Variants in CCDC171 observed in about 807,000 individuals in gnomAD.
CCDC171 encodes the protein coiled-coil domain-containing protein 171.
In CCDC171, 177 loss-of-function variants were observed where a neutral mutation model predicts 168.2. That is an observed-to-expected ratio of 1.05 (90% CI 0.93 to 1.19). The LOEUF is 1.19. Among genes scored for constraint, CCDC171 ranks in the 50% most tolerant of loss-of-function variants. CCDC171 has a pLI of 0.00. For missense variants in CCDC171, 1,991 were observed against 1,539.0 expected (o/e 1.29, Z -4.91); for synonymous variants, 687 against 540.8 (o/e 1.27, Z -3.75).
At chr9:15,610,837 G>A (rs143161515) in intron 6 of CCDC171, among the ~76,000 whole-genome samples, 1 of 152,160 alleles carries the variant, frequency 6.6e-6, no homozygotes, top group African/African-American at 2.4e-5. Flanking sequence ...GGGATTACAG[G>A]TGTGAACCAC....
In CCDC171 at chr9:15,779,158, TA is replaced by T; in HGVS notation, c.3081+9del. The T allele has an allele frequency of 6.8e-7, 1 of 1,471,984 alleles. No homozygotes were observed. Among genetic ancestry groups the T allele is most frequent in the South Asian group, 1.5e-5 (1 of 67,260 alleles). 91.2% of individuals were successfully genotyped at this position (1,471,984 alleles called of 1,614,324 possible). A position where few individuals can be genotyped will look rare whatever the true frequency, so the allele number is the denominator to read the frequency against. On this transcript the variant is annotated intron_variant, in intron 20 of 25. Transcript: ENST00000380701. Reference sequence around the variant, plus strand: ...AATGAATTTAAGCAGTCTGTAAGTATATATCATTTAGGAAACTGTTGCTTTG... The same window carrying T: ...AATGAATTTAAGCAGTCTGTAAGTATTATCATTTAGGAAACTGTTGCTTTG...
At chr9:15,902,275 T>C (rs201753610) in intron 24 of CCDC171, among the ~76,000 whole-genome samples, 3,579 of 99,970 alleles carry the variant, frequency 0.036, 81 homozygotes, top group East Asian at 0.14. Flanking sequence ...TATATATATA[T>C]ATATATACAC....
intron 21 of CCDC171, among the ~76,000 whole-genome samples, chr9:15,843,058 A>G (rs992072239): frequency 3.9e-5 from 6 of 151,970 alleles, no homozygotes; most frequent in Non-Finnish European, 8.8e-5. Context: ...TTAATAGTAA[A>G]TAGCTTTTCA....
At chr9:15,725,717 T>TG (rs1023173096) in intron 14 of CCDC171, among the ~76,000 whole-genome samples, 98 of 152,316 alleles carry the variant, frequency 6.4e-4, no homozygotes, top group African/African-American at 2.2e-3. Context: ...CCTAAAGTAC[T>TG]GGGATTACAG....
At chr9:15,843,109 T>C (rs938758096) in intron 21 of CCDC171, among the ~76,000 whole-genome samples, 3 of 152,132 alleles carry the variant, frequency 2.0e-5, no homozygotes, top group South Asian at 2.1e-4. Context: ...TATTTTCTTA[T>C]AGGAGTAGTT....
Position 15,741,319 on chromosome 9 carries a change from C to G in CCDC171, c.2050-2954C>G, listed in dbSNP as rs572325825. ...CTTCTTCTCCTCAGCCTCTGGTGAC[C>G]AAAAATGTGTTTTCTGTGTCTATAA... On this transcript the variant is annotated intron_variant, in intron 16 of 25. Transcript: ENST00000380701. Among the ~76,000 whole-genome samples, 7 of 152,198 alleles carry G rather than the reference C, an allele frequency of 4.6e-5. No individual in the cohort carries two copies. In the South Asian group the frequency reaches 1.5e-3, roughly 32 times the overall value.
intron 4 of CCDC171, chr9:15,588,593 A>G: frequency 3.3e-6 from 1 of 303,880 alleles, no homozygotes. Flanking sequence ...CAGGAAGCTC[A>G]GCGTGCTGGA....
chr9:15,674,439 T>C (rs573946024), intron 9 of CCDC171, among the ~76,000 whole-genome samples: 1 of 152,324 alleles, frequency 6.6e-6, no homozygotes, highest in Admixed American at 6.5e-5. Context: ...TGTAATTCTT[T>C]AATTGTGATG....
At chr9:15,589,146 G>C (rs1376265007) in intron 4 of CCDC171, among the ~76,000 whole-genome samples, 1 of 152,142 alleles carries the variant, frequency 6.6e-6, no homozygotes, top group Non-Finnish European at 1.5e-5. Context: ...AGTTTTGAGA[G>C]ACTTCTTCTT....
chr9:15,727,577 C>A (rs560535997), intron 14 of CCDC171, among the ~76,000 whole-genome samples: 9 of 152,128 alleles, frequency 5.9e-5, no homozygotes, highest in Non-Finnish European at 1.3e-4. Flanking sequence ...TAAGCCTGAG[C>A]AGGTGTTTAC....
chr9:15,925,921 C>A (rs1364055165), intron 25 of CCDC171, among the ~76,000 whole-genome samples: 1 of 132,126 alleles, frequency 7.6e-6, no homozygotes, highest in African/African-American at 2.4e-5. Context: ...CCATTTTCTA[C>A]CTGTATTTAA....
At chr9:15,585,026 A>G (rs2041445442) in intron 4 of CCDC171, among the ~76,000 whole-genome samples, 1 of 152,216 alleles carries the variant, frequency 6.6e-6, no homozygotes, top group South Asian at 2.1e-4. Flanking sequence ...GGGAAATGCA[A>G]ATGAAAACCA....
intron 23 of CCDC171, among the ~76,000 whole-genome samples, chr9:15,854,732 A>C (rs1057318321): frequency 6.6e-6 from 1 of 151,646 alleles, no homozygotes; most frequent in Non-Finnish European, 1.5e-5. Flanking sequence ...ATTTACAGCT[A>C]TAGATTTCTG....
chr9:15,908,890 C>G (rs893016214), intron 24 of CCDC171, among the ~76,000 whole-genome samples: 1 of 152,156 alleles, frequency 6.6e-6, no homozygotes, highest in Non-Finnish European at 1.5e-5. Context: ...ATCCAAATAC[C>G]TCCCACCAGG....
chr9:15,632,610 A>G (rs2045819768), intron 7 of CCDC171, among the ~76,000 whole-genome samples: 1 of 152,318 alleles, frequency 6.6e-6, no homozygotes, highest in African/African-American at 2.4e-5. Flanking sequence ...GGTAATTTAT[A>G]GATTCAATGC....
chr9:15,872,435 A>G lies in CCDC171; in HGVS notation c.3469-2097A>G, dbSNP rs530679494. Among the ~76,000 whole-genome samples, 6 of 152,050 alleles carry G rather than the reference A, an allele frequency of 3.9e-5. No homozygotes were observed. In the South Asian group the frequency reaches 1.2e-3, roughly 31 times the overall value. On this transcript the variant is annotated intron_variant, in intron 23 of 25. Transcript: ENST00000380701. ...TGAAGTATGGTGCCTGATGCTAATC[A>G]GGTTAAAGGACCTCCAGTGCTCGAA...
At position 15,776,442 on chromosome 9, in the gene CCDC171, A is replaced by C. The variant is rs548784092; in HGVS notation, c.2672-1158A>C. The stretch of plus-strand genomic sequence containing the variant: ...TATTACCGTATATTTATATTCCTAG[A>C]AGTTGATGCATCAATAACTGATTGA... On this transcript the variant is annotated intron_variant, in intron 18 of 25. Coordinates refer to ENST00000380701, the MANE Select transcript of CCDC171 (RefSeq NM_173550.4). 6.6e-5 allele frequency among the ~76,000 whole-genome samples: 10 copies of C among 152,350 alleles called. No individual in the cohort carries two copies. In the East Asian group the frequency reaches 1.9e-3, roughly 29 times the overall value.
At chr9:15,704,629 C>G (rs1247289210) in intron 11 of CCDC171, among the ~76,000 whole-genome samples, 3 of 152,142 alleles carry the variant, frequency 2.0e-5, no homozygotes, top group Non-Finnish European at 4.4e-5. Flanking sequence ...TTAATCTTAA[C>G]TTAGAGCTGG....
chr9:15,955,575 A>G (rs1189943624), intron 25 of CCDC171, among the ~76,000 whole-genome samples: 1 of 152,110 alleles, frequency 6.6e-6, no homozygotes, highest in Non-Finnish European at 1.5e-5. Context: ...CTGCTGTGCT[A>G]AGAGCTAAAA....
Sources: allele counts gnomAD v4.1 joint callset (sites outside exome capture counted in the v4.1 genomes callset), GRCh38; gene constraint gnomAD v4.1.1; transcripts MANE v1.5; gene names NCBI Gene and HGNC (gene_info 2026-07-23, HGNC 2026-07-21).